Variants in DYNLT2 observed in about 807,000 individuals in gnomAD.
The protein encoded by DYNLT2 is dynein light chain Tctex-type protein 2.
In DYNLT2, 24 loss-of-function variants were observed where a neutral mutation model predicts 24.3. The ratio of observed to expected loss-of-function variants is 0.99; its 90% CI spans 0.71 to 1.39. The LOEUF is 1.39. Among genes scored for constraint, DYNLT2 ranks in the 40% most tolerant of loss-of-function variants. DYNLT2 has a pLI of 0.00. For missense variants in DYNLT2, 246 were observed against 234.5 expected, an observed-to-expected ratio of 1.05 and a Z score of -0.32; for synonymous variants, 85 against 85.4, an observed-to-expected ratio of 1.00 and a Z score of 0.03.
At chr6:169,746,323 T>G (rs1789799655) in intron 1 of DYNLT2, among the ~76,000 whole-genome samples, 1 of 152,180 alleles carries the variant, frequency 6.6e-6, no homozygotes, top group Non-Finnish European at 1.5e-5. Flanking sequence ...TCTTTGAGGC[T>G]TATTTTAGCT....
chr6:169,748,527 G>A (rs1789863519), intron 1 of DYNLT2, among the ~76,000 whole-genome samples: 1 of 152,200 alleles, frequency 6.6e-6, no homozygotes, highest in South Asian at 2.1e-4. Context: ...GCGAGTAGAA[G>A]TCCCTCACAT....
intron 3 of DYNLT2, among the ~76,000 whole-genome samples, chr6:169,741,924 G>A (rs1789688150): frequency 6.6e-6 from 1 of 152,052 alleles, no homozygotes; most frequent in Admixed American, 6.5e-5. Flanking sequence ...GAGCCAGGAC[G>A]GTTCTTTCTT....
At chr6:169,735,242 G>T (rs1789537606), downstream of DYNLT2, among the ~76,000 whole-genome samples, 1 of 152,038 alleles carries the variant, frequency 6.6e-6, no homozygotes, top group African/African-American at 2.4e-5. Flanking sequence ...CCAGCTCCTG[G>T]ATTCATGGAT....
chr6:169,750,688 A>T (rs911505696), intron 1 of DYNLT2: 2 of 152,224 alleles, frequency 1.3e-5, no homozygotes, highest in African/African-American at 2.4e-5. Flanking sequence ...ATTTTCTGTT[A>T]AAGTATCAAT....
intron 1 of DYNLT2, among the ~76,000 whole-genome samples, chr6:169,749,174 A>AGT (rs1789883951): frequency 6.6e-6 from 1 of 151,972 alleles, no homozygotes; most frequent in Non-Finnish European, 1.5e-5. Flanking sequence ...ATCTCGGCTC[A>AGT]CTGCAACTTC....
intron 3 of DYNLT2, among the ~76,000 whole-genome samples, chr6:169,741,300 G>A (rs1175959200): frequency 6.6e-6 from 1 of 152,160 alleles, no homozygotes; most frequent in Non-Finnish European, 1.5e-5. Context: ...AGACCCCCAT[G>A]TTATGAAAGC....
At chr6:169,725,503 A>C in the DYNLT2 span, 2 of 395,936 alleles carry the variant, frequency 5.1e-6, no homozygotes, top group Non-Finnish European at 4.4e-6. Flanking sequence ...CCTCAGCCAG[A>C]CCATCCGTTC....
chr6:169,742,445 A>G (rs1426882183), intron 3 of DYNLT2, among the ~76,000 whole-genome samples: 3 of 152,172 alleles, frequency 2.0e-5, no homozygotes, highest in Non-Finnish European at 2.9e-5. Flanking sequence ...TCCGTGTTTT[A>G]TCATTCCTTG....
chr6:169,750,481 T>G (rs1413165115), intron 1 of DYNLT2: 1 of 152,260 alleles, frequency 6.6e-6, no homozygotes, highest in African/African-American at 2.4e-5. Flanking sequence ...ATTTTGAGAA[T>G]TCTCTTTTTA....
At chr6:169,746,811 A>G (rs1226291521) in intron 1 of DYNLT2, among the ~76,000 whole-genome samples, 1 of 151,878 alleles carries the variant, frequency 6.6e-6, no homozygotes, top group Admixed American at 6.6e-5. Flanking sequence ...ATGACTAGGT[A>G]TTTTAGTGAA....
At chr6:169,730,073 T>C in the DYNLT2 span, among the ~76,000 whole-genome samples, 7 of 152,374 alleles carry the variant, frequency 4.6e-5, no homozygotes, top group South Asian at 2.1e-4. Flanking sequence ...GCAATCATAA[T>C]TGAAATGTGA....
chr6:169,744,196 T>C lies in DYNLT2; in HGVS notation c.199A>G (p.Ile67Val), dbSNP rs116980543. Reference sequence around the variant, plus strand: ...TTCCATTCTTTACCTATATCAGCAATTGAGTCATCAAAAGGAGGCTCCACA... The same window carrying C: ...TTCCATTCTTTACCTATATCAGCAACTGAGTCATCAAAAGGAGGCTCCACA... ...QYVEPPFDDS[I>V]ADIGKEWKSA... The change falls in exon 2 of 4, where the codon ATT becomes GTT. Residue 67 changes from isoleucine (I) to valine (V), a missense_variant. Physicochemically the swap from Ile to Val is conservative, Grantham distance 29 (BLOSUM62 3). Coordinates refer to ENST00000366774, the MANE Select transcript of DYNLT2 (RefSeq NM_174910.3). 0.013 allele frequency: 21,038 copies of C among 1,613,750 alleles called. 186 individuals carry two copies. The highest frequency in any genetic ancestry group is 0.014 in the Non-Finnish European group (17,019 of 1,179,974).
At chr6:169,747,566 TTAGTG>T (rs536270841) in intron 1 of DYNLT2, among the ~76,000 whole-genome samples, 350 of 152,284 alleles carry the variant, frequency 2.3e-3, no homozygotes, top group African/African-American at 7.9e-3. Context: ...TTAATACCAT[TTAGTG>T]TATTTTCATC....
chr6:169,748,152 G>T (rs186870505), intron 1 of DYNLT2, among the ~76,000 whole-genome samples: 41 of 152,140 alleles, frequency 2.7e-4, no homozygotes, highest in African/African-American at 8.0e-4. Context: ...CTCCACCTTT[G>T]GTGAGAAGCT....
At chr6:169,727,402 G>C in the DYNLT2 span, among the ~76,000 whole-genome samples, 1 of 152,128 alleles carries the variant, frequency 6.6e-6, no homozygotes, top group Non-Finnish European at 1.5e-5. Flanking sequence ...TGAGCAGAGA[G>C]AGGAAATGCT....
intron 1 of DYNLT2, among the ~76,000 whole-genome samples, chr6:169,747,862 T>C (rs1789844831): frequency 1.3e-5 from 2 of 152,336 alleles, no homozygotes; most frequent in South Asian, 4.1e-4. Context: ...GAATTTTACC[T>C]TCTTATAGGC....
the DYNLT2 span, among the ~76,000 whole-genome samples, chr6:169,728,480 C>G: frequency 6.6e-6 from 1 of 152,136 alleles, no homozygotes; most frequent in African/African-American, 2.4e-5. Context: ...AATTAGAAAG[C>G]ATACAGCCAG....
intron 2 of DYNLT2, among the ~76,000 whole-genome samples, chr6:169,743,573 G>C (rs1044787576): frequency 6.6e-6 from 1 of 152,096 alleles, no homozygotes. Flanking sequence ...CTTAGGTAAA[G>C]GAAAGAAACC....
At chr6:169,748,205 A>G (rs1789854953) in intron 1 of DYNLT2, among the ~76,000 whole-genome samples, 1 of 152,166 alleles carries the variant, frequency 6.6e-6, no homozygotes, top group Admixed American at 6.5e-5. Flanking sequence ...ATATTCTGGG[A>G]AACCCTCTGT....
Sources: allele counts gnomAD v4.1 joint callset (sites outside exome capture counted in the v4.1 genomes callset), GRCh38; gene constraint gnomAD v4.1.1; transcripts MANE v1.5; gene names NCBI Gene and HGNC (gene_info 2026-07-23, HGNC 2026-07-21).